The following ROBO2 variants were observed in gnomAD, a reference collection of about 807,000 sequenced individuals.
ROBO2 encodes roundabout guidance receptor 2.
ROBO2 carries 53 observed loss-of-function variants against 160.8 expected under a neutral mutation model. The ratio of observed to expected loss-of-function variants is 0.33; its 90% CI spans 0.26 to 0.41. ROBO2 has a LOEUF of 0.41. ROBO2 is among the 10% of genes least tolerant of loss of function. The pLI, the probability that ROBO2 is intolerant of heterozygous loss-of-function variation, is 1.00. For synonymous variants in ROBO2, 664 were observed against 611.7 expected (o/e 1.09, Z -1.26); for missense variants, 1,577 against 1,722.4 (o/e 0.92, Z 1.49).
intron 2 of ROBO2, among the ~76,000 whole-genome samples, chr3:76,369,174 G>A (rs1478231093): frequency 6.6e-6 from 1 of 151,812 alleles, no homozygotes; most frequent in East Asian, 1.9e-4. Context: ...TTTCAGCAAC[G>A]GCTTTGTAAT....
intron 2 of ROBO2, among the ~76,000 whole-genome samples, chr3:76,041,230 A>T (rs1424895840): frequency 1.3e-5 from 2 of 152,028 alleles, no homozygotes; most frequent in African/African-American, 4.8e-5. Flanking sequence ...CTTAATTCTA[A>T]ATCTTACTGC....
At chr3:75,984,091 T>C (rs2065348567) in intron 2 of ROBO2, among the ~76,000 whole-genome samples, 1 of 151,458 alleles carries the variant, frequency 6.6e-6, no homozygotes, top group Non-Finnish European at 1.5e-5. Flanking sequence ...AACTGGAAGT[T>C]GGAACACTCC....
intron 2 of ROBO2, among the ~76,000 whole-genome samples, chr3:76,490,625 T>C (rs1025938065): frequency 1.3e-4 from 20 of 152,220 alleles, no homozygotes; most frequent in Admixed American, 1.0e-3. Context: ...CATGATAAAA[T>C]TGTTCATGGA....
chr3:77,313,518 C>T (rs937447071), intron 2 of ROBO2, among the ~76,000 whole-genome samples: 14 of 151,992 alleles, frequency 9.2e-5, no homozygotes, highest in African/African-American at 3.4e-4. Flanking sequence ...TCTTCCTATC[C>T]CTGCTTTCCC....
chr3:76,721,077 A>G (rs2093458213), intron 2 of ROBO2, among the ~76,000 whole-genome samples: 1 of 152,184 alleles, frequency 6.6e-6, no homozygotes, highest in Non-Finnish European at 1.5e-5. Flanking sequence ...CTTGTTTACA[A>G]TTAGCTAGGA....
intron 2 of ROBO2, among the ~76,000 whole-genome samples, chr3:76,204,073 C>T (rs1702687766): frequency 6.6e-6 from 1 of 152,190 alleles, no homozygotes; most frequent in Admixed American, 6.5e-5. Flanking sequence ...CTGATTGATA[C>T]AGTCTCTAAG....
intron 2 of ROBO2, among the ~76,000 whole-genome samples, chr3:76,729,974 T>A (rs529514336): frequency 1.3e-5 from 2 of 152,242 alleles, no homozygotes; most frequent in South Asian, 4.1e-4. Flanking sequence ...ATCAGTATAG[T>A]CTTGAGAGGT....
chr3:76,401,658 CAAT>C (rs1157090494), intron 2 of ROBO2, among the ~76,000 whole-genome samples: 13 of 150,832 alleles, frequency 8.6e-5, no homozygotes, highest in African/African-American at 3.2e-4. Context: ...TTAAGCTTCA[CAAT>C]AAATTTATGG....
intron 2 of ROBO2, among the ~76,000 whole-genome samples, chr3:76,400,258 C>T (rs1051381916): frequency 2.0e-5 from 3 of 151,478 alleles, no homozygotes; most frequent in African/African-American, 7.3e-5. Flanking sequence ...TCAGACTAAG[C>T]CTCAATAACC....
At chr3:76,012,886 A>C (rs2066243194) in intron 2 of ROBO2, among the ~76,000 whole-genome samples, 1 of 151,748 alleles carries the variant, frequency 6.6e-6, no homozygotes, top group Non-Finnish European at 1.5e-5. Flanking sequence ...GTAATCCCAG[A>C]AGTAATATGT....
chr3:77,356,181 T>C (rs1424591135), intron 2 of ROBO2, among the ~76,000 whole-genome samples: 1 of 152,160 alleles, frequency 6.6e-6, no homozygotes, highest in Non-Finnish European at 1.5e-5. Context: ...AGATCTGTAT[T>C]AAAAGAATGA....
intron 2 of ROBO2, among the ~76,000 whole-genome samples, chr3:77,175,079 A>G (rs1486491228): frequency 6.6e-6 from 1 of 152,044 alleles, no homozygotes; most frequent in Non-Finnish European, 1.5e-5. Context: ...TTTCATGACA[A>G]CCCTGTCAGG....
At chr3:77,444,592 A>C (rs991455134) in intron 2 of ROBO2, among the ~76,000 whole-genome samples, 10 of 152,150 alleles carry the variant, frequency 6.6e-5, no homozygotes, top group Admixed American at 2.0e-4. Context: ...TTAAAGAGGA[A>C]AAAGAGGTTA....
intron 2 of ROBO2, among the ~76,000 whole-genome samples, chr3:77,365,765 T>C (rs1237361475): frequency 6.6e-6 from 1 of 152,108 alleles, no homozygotes; most frequent in African/African-American, 2.4e-5. Context: ...CCTCTCATGG[T>C]ATAGCCCAGA....
intron 2 of ROBO2, among the ~76,000 whole-genome samples, chr3:76,727,411 T>C (rs1242485887): frequency 1.3e-5 from 2 of 152,220 alleles, no homozygotes; most frequent in African/African-American, 2.4e-5. Flanking sequence ...ATTCATTTTA[T>C]TCATTTTTAT....
At chr3:75,933,683 C>T (rs1170996727) in intron 1 of ROBO2, among the ~76,000 whole-genome samples, 1 of 152,054 alleles carries the variant, frequency 6.6e-6, no homozygotes, top group Non-Finnish European at 1.5e-5. Context: ...TATACCTAGG[C>T]TTGTTGGTCA....
At chr3:76,081,044 C>A (rs1190178384) in intron 2 of ROBO2, among the ~76,000 whole-genome samples, 2 of 151,880 alleles carry the variant, frequency 1.3e-5, no homozygotes, top group African/African-American at 2.4e-5. Flanking sequence ...TCTTTAAGGG[C>A]TTTGTGGCAA....
At chr3:76,275,332 C>T (rs1707858217) in intron 2 of ROBO2, among the ~76,000 whole-genome samples, 1 of 151,832 alleles carries the variant, frequency 6.6e-6, no homozygotes, top group African/African-American at 2.4e-5. Context: ...GAGGAAATTC[C>T]CTTAACTAAT....
intron 21 of ROBO2, among the ~76,000 whole-genome samples, chr3:77,616,593 T>C (rs2094782786): frequency 6.6e-6 from 1 of 152,140 alleles, no homozygotes; most frequent in Admixed American, 6.5e-5. Flanking sequence ...ATTCACTAGG[T>C]ATTTAAGAGG....
Sources: gnomAD v4.1 joint callset for allele counts (sites outside exome capture counted in the v4.1 genomes callset) on GRCh38, gnomAD v4.1.1 for gene constraint, MANE v1.5 for transcripts, NCBI Gene and HGNC (gene_info 2026-07-23, HGNC 2026-07-21) for gene names.